The following NDUFA10 variants were observed in gnomAD, a reference collection of about 807,000 sequenced individuals.
NDUFA10 encodes NADH:ubiquinone oxidoreductase subunit A10.
NDUFA10 carries 40 observed loss-of-function variants against 47.8 expected under a neutral mutation model. The observed-to-expected ratio is 0.84, with a 90% CI of 0.65 to 1.09. The LOEUF (loss-of-function observed/expected upper bound fraction) is 1.09, where lower values mean the gene tolerates loss of function less well. Ranked by LOEUF, NDUFA10 falls within the 50% of genes least tolerant of loss-of-function variation. The pLI is 0.00. For missense variants in NDUFA10, 413 were observed against 451.1 expected (o/e 0.92, Z 0.76); for synonymous variants, 183 against 172.2 (o/e 1.06, Z -0.49).
chr2:240,021,386 T>C lies in NDUFA10; in HGVS notation c.271A>G (p.Ile91Val). The part of the protein sequence containing the change: ...LGFKHFPEAG[I>V]HYPDSTTGDG... Reference sequence around the variant, plus strand: ...CCTGTGGTACTGTCTGGATAATGAATCCCCGCTTCAGGAAAGTGCTTGAAG... The same window carrying C: ...CCTGTGGTACTGTCTGGATAATGAACCCCCGCTTCAGGAAAGTGCTTGAAG... Residue 91 changes from isoleucine to valine, a missense_variant, in exon 3 of 10, where the codon ATT becomes GTT. Transcript: ENST00000252711. 2 of 1,614,124 alleles carry C rather than the reference T, an allele frequency of 1.2e-6. No individual in the cohort carries two copies.
intron 4 of NDUFA10, among the ~76,000 whole-genome samples, chr2:239,919,489 C>T (rs1053512317): frequency 6.6e-6 from 1 of 151,716 alleles, no homozygotes; most frequent in African/African-American, 2.4e-5. Flanking sequence ...CAGGATGATT[C>T]CTAACACGCA....
At position 239,910,426 on chromosome 2, in the gene NDUFA10, G is replaced by A. The variant is rs140692832; in HGVS notation, c.295-15112C>T. Among the ~76,000 whole-genome samples the A allele has an allele frequency of 8.2e-4, 125 of 152,272 alleles. 2 individuals are homozygous for A. In the East Asian group the frequency reaches 0.019, roughly 23 times the overall value. The stretch of plus-strand genomic sequence containing the variant: ...TCATGTCCTTTGCAGGGACATGGGT[G>A]GAGCTGGAAGCCATCATCCTCAGTC... On this transcript the variant is annotated intron_variant, in intron 4 of 5. Transcript: ENST00000419408.
At chr2:239,901,521 C>G (rs1015312725) in intron 4 of NDUFA10, among the ~76,000 whole-genome samples, 7 of 151,998 alleles carry the variant, frequency 4.6e-5, no homozygotes, top group African/African-American at 1.4e-4. Context: ...CACCTGCCCC[C>G]CAAGAGCTCT....
chr2:239,995,458 G>A (rs773090798), intron 8 of NDUFA10, among the ~76,000 whole-genome samples: 1 of 152,062 alleles, frequency 6.6e-6, no homozygotes, highest in East Asian at 1.9e-4. Context: ...TTTTTTTAAA[G>A]TACAATCAAG....
intron 5 of NDUFA10, among the ~76,000 whole-genome samples, chr2:239,893,166 G>A (rs77228485): frequency 6.6e-6 from 1 of 152,340 alleles, no homozygotes; most frequent in Non-Finnish European, 1.5e-5. Context: ...CCAAAAGGAA[G>A]CCAGGGCAGG....
intron 9 of NDUFA10, among the ~76,000 whole-genome samples, chr2:239,984,703 A>G (rs1330061162): frequency 3.3e-5 from 5 of 152,234 alleles, no homozygotes; most frequent in African/African-American, 7.2e-5. Flanking sequence ...CAAAGGCAAC[A>G]TCAGGCTGTA....
intron 4 of NDUFA10, among the ~76,000 whole-genome samples, chr2:239,910,238 T>G (rs1693726564): frequency 6.6e-6 from 1 of 152,186 alleles, no homozygotes; most frequent in African/African-American, 2.4e-5. Flanking sequence ...GGATTATAAA[T>G]CATTCTATTA....
Position 239,958,855 on chromosome 2 carries a change from A to C in NDUFA10, c.*2263T>G, listed in dbSNP as rs1694733383. On this transcript the variant is annotated 3_prime_UTR_variant, in exon 10 of 10. Coordinates refer to ENST00000252711, the MANE Select transcript of NDUFA10 (RefSeq NM_004544.4). ...CACAAAACCATACTGCTGCAACAGC[A>C]TGATTATTTCCTGATCTCCAAAGCA... The C allele has an allele frequency of 1.2e-6, 1 of 800,666 alleles. No homozygotes were observed. Among genetic ancestry groups the C allele is most frequent in the Non-Finnish European group, 1.5e-6 (1 of 661,550 alleles). The allele number at this position is 800,666 out of a possible 1,614,324, so 49.6% of individuals were successfully genotyped here. A position where few individuals can be genotyped will look rare whatever the true frequency, so the allele number is the denominator to read the frequency against.
At chr2:239,990,244 G>GT (rs1311476396) in intron 8 of NDUFA10, 62 bp from the exon 9 acceptor site, 1 of 1,360,892 alleles carries the variant, frequency 7.3e-7, no homozygotes, top group African/African-American at 1.4e-5. Context: ...TAAAAGAAGT[G>GT]TAAGTCCGAT....
chr2:240,022,419 T>C, intron 1 of NDUFA10, 79 bp from the exon 2 acceptor site: 1 of 1,596,466 alleles, frequency 6.3e-7, no homozygotes, highest in South Asian at 1.1e-5. Flanking sequence ...TAGGTAAAAA[T>C]ACCAAGAAAC....
At chr2:239,940,646 T>G (rs1235804581) in intron 4 of NDUFA10, among the ~76,000 whole-genome samples, 3 of 152,222 alleles carry the variant, frequency 2.0e-5, no homozygotes, top group East Asian at 3.8e-4. Context: ...CATTTGAAAT[T>G]TAGTCTATTC....
intron 4 of NDUFA10, among the ~76,000 whole-genome samples, chr2:239,902,643 G>A (rs910586280): frequency 4.6e-5 from 7 of 152,210 alleles, no homozygotes; most frequent in East Asian, 1.9e-4. Flanking sequence ...GTGTCCACAG[G>A]ACTGGGCTTG....
intron 4 of NDUFA10, among the ~76,000 whole-genome samples, chr2:239,927,800 G>A (rs1302743576): frequency 6.6e-6 from 1 of 152,210 alleles, no homozygotes; most frequent in East Asian, 1.9e-4. Flanking sequence ...CAGCGTGGCA[G>A]CCGCCACAGG....
At chr2:239,902,459 A>C (rs1389769548) in intron 4 of NDUFA10, among the ~76,000 whole-genome samples, 2 of 152,240 alleles carry the variant, frequency 1.3e-5, no homozygotes, top group Non-Finnish European at 2.9e-5. Flanking sequence ...TGTGAGACAT[A>C]ATACTATTTG....
At chr2:239,974,863 T>G (rs1695452581) in intron 9 of NDUFA10, among the ~76,000 whole-genome samples, 1 of 132,028 alleles carries the variant, frequency 7.6e-6, no homozygotes, top group African/African-American at 2.7e-5. Context: ...GAGCTGGTCA[T>G]TTAAAACTAT....
Position 239,945,836 on chromosome 2 carries a change from A to G in NDUFA10, c.294+44238T>C, listed in dbSNP as rs960000498. 9.9e-6 allele frequency among the ~76,000 whole-genome samples: 1 copy of G among 100,744 alleles called. No homozygotes were observed. The highest frequency in any genetic ancestry group is 2.2e-5 in the Non-Finnish European group (1 of 46,486). The allele number at this position is 100,744 out of a possible 152,430, so 66.1% of individuals were successfully genotyped here. On this transcript the variant is annotated intron_variant, in intron 4 of 5. Transcript: ENST00000419408. This position sits in a 1 kb window ranked among gnomAD's most constrained non-coding sequence, Gnocchi z 4.6. ...CCCTGAAGGCCGTCCCCAGGCTTCAAGGGCCCACAGGGCTCCGGGACTGCA... is the reference window on the plus strand; with the variant it reads ...CCCTGAAGGCCGTCCCCAGGCTTCAGGGGCCCACAGGGCTCCGGGACTGCA...
intron 4 of NDUFA10, among the ~76,000 whole-genome samples, chr2:240,017,447 G>A (rs761654743): frequency 6.6e-6 from 1 of 152,120 alleles, no homozygotes; most frequent in African/African-American, 2.4e-5. Context: ...TCTCCCAGCC[G>A]GTTACACATT....
At chr2:240,011,539 C>G in intron 6 of NDUFA10, 78 bp downstream of exon 6, 1 of 1,128,266 alleles carries the variant, frequency 8.9e-7, no homozygotes, top group Non-Finnish European at 1.4e-6. Context: ...AGACAGAAAA[C>G]TCCCTGGGCT....
chr2:240,004,591 C>T (rs116020273), intron 8 of NDUFA10, among the ~76,000 whole-genome samples: 9 of 149,194 alleles, frequency 6.0e-5, no homozygotes, highest in African/African-American at 2.0e-4. Flanking sequence ...CTAGTCCTGC[C>T]CCATTCCGCC....
Sources: allele counts gnomAD v4.1 joint callset (sites outside exome capture counted in the v4.1 genomes callset), GRCh38; gene constraint gnomAD v4.1.1; non-coding constraint Gnocchi (gnomAD v3.1); transcripts MANE v1.5; gene names NCBI Gene and HGNC (gene_info 2026-07-23, HGNC 2026-07-21).